Variants in PSMG2 observed in about 807,000 individuals in gnomAD.
The protein encoded by PSMG2 is CD40 ligand-activated specific transcript 3.
A neutral mutation model predicts 31.5 loss-of-function variants in PSMG2; 21 were observed. That is an observed-to-expected ratio of 0.67 (90% CI 0.47 to 0.96). The LOEUF (loss-of-function observed/expected upper bound fraction) is 0.96, where lower values mean the gene tolerates loss of function less well. Among genes scored for constraint, PSMG2 ranks in the 40% least tolerant of loss-of-function variants. The probability of loss-of-function intolerance (pLI) is 0.00; values close to 1 mark genes in which losing one functional copy is unlikely to be tolerated. For missense variants in PSMG2, 318 were observed against 321.2 expected, an observed-to-expected ratio of 0.99 and a Z score of 0.08; for synonymous variants, 120 against 110.4, an observed-to-expected ratio of 1.09 and a Z score of -0.54.
intron 1 of PSMG2, among the ~76,000 whole-genome samples, chr18:12,689,078 C>A (rs1435020157): frequency 6.6e-6 from 1 of 152,174 alleles, no homozygotes; most frequent in Non-Finnish European, 1.5e-5. Flanking sequence ...CGCACCACTG[C>A]ACTCAACCCT....
At chr18:12,725,260 TAAAG>T (rs766190672) in intron 6 of PSMG2, among the ~76,000 whole-genome samples, 175 bp from the exon 7 acceptor site, 4 of 152,220 alleles carry the variant, frequency 2.6e-5, no homozygotes, top group Non-Finnish European at 5.9e-5. Context: ...ATTTGGAACT[TAAAG>T]AAATTTATCT....
chr18:12,667,033 C>A (rs2038818038), intron 1 of PSMG2, among the ~76,000 whole-genome samples: 1 of 151,294 alleles, frequency 6.6e-6, no homozygotes, highest in Admixed American at 6.6e-5. Context: ...ACAACAACAA[C>A]CAAACAAAAA....
chr18:12,704,279 A>G (rs982529925), intron 1 of PSMG2, among the ~76,000 whole-genome samples: 5 of 152,110 alleles, frequency 3.3e-5, no homozygotes, highest in Non-Finnish European at 1.5e-5. Context: ...TGGGTTGTAT[A>G]ATATATATTC....
chr18:12,661,497 C>A, intron 1 of PSMG2: 1 of 293,812 alleles, frequency 3.4e-6, no homozygotes, highest in Non-Finnish European at 5.1e-6. Flanking sequence ...TGAGGCCAGG[C>A]GCAGTGGCTC....
chr18:12,705,304 TC>T (rs1161982755), intron 1 of PSMG2, among the ~76,000 whole-genome samples: 1 of 152,098 alleles, frequency 6.6e-6, no homozygotes, highest in Non-Finnish European at 1.5e-5. Flanking sequence ...CCTCAGGTGA[TC>T]CACCTGCCTC....
upstream of PSMG2, chr18:12,702,999 G>A: frequency 7.7e-7 from 1 of 1,292,810 alleles, no homozygotes; most frequent in Non-Finnish European, 1.1e-6. Context: ...GGGACTCAAA[G>A]GACCCTCCCG....
At chr18:12,699,840 T>G, upstream of PSMG2, 1 of 1,564,360 alleles carries the variant, frequency 6.4e-7, no homozygotes, top group Non-Finnish European at 8.7e-7. Flanking sequence ...TTTTTTTTAA[T>G]GTCGATTGTC....
rs996349014 is a variant in PSMG2, at chr18:12,703,091, G to A, written c.-17G>A. On this transcript the variant is annotated 5_prime_UTR_variant, in exon 1 of 7. Coordinates refer to ENST00000317615, the MANE Select transcript of PSMG2 (RefSeq NM_020232.5). ...CCAGGGCCGCGGTTAGTCCCTGCTG[G>A]CCACCCCACTGCGACCATGTTCGTT... The A allele has an allele frequency of 1.2e-6, 2 of 1,611,298 alleles. No individual in the cohort carries two copies. Among genetic ancestry groups the A allele is most frequent in the Non-Finnish European group, 1.7e-6 (2 of 1,179,184 alleles).
At chr18:12,694,138 A>T (rs534012559) in intron 1 of PSMG2, among the ~76,000 whole-genome samples, 65 of 152,298 alleles carry the variant, frequency 4.3e-4, no homozygotes, top group African/African-American at 1.5e-3. Context: ...GTTGGTTCTC[A>T]CTATGTGGTT....
At chr18:12,708,700 C>CTTTTTTTTTTTTTTT in intron 2 of PSMG2, among the ~76,000 whole-genome samples, 1 of 88,728 alleles carries the variant, frequency 1.1e-5, no homozygotes, top group Non-Finnish European at 2.2e-5. Flanking sequence ...TTACAACGTT[C>CTTTTTTTTTTTTTTT]TTTTTTTTTT....
chr18:12,706,979 G>A (rs142743387), intron 2 of PSMG2, among the ~76,000 whole-genome samples: 3 of 151,898 alleles, frequency 2.0e-5, no homozygotes, highest in African/African-American at 7.2e-5. Flanking sequence ...TTTTTGAGAC[G>A]GAGTCTCGCT....
chr18:12,667,653 C>T (rs1365588983), intron 1 of PSMG2, among the ~76,000 whole-genome samples: 3 of 150,246 alleles, frequency 2.0e-5, no homozygotes, highest in South Asian at 2.1e-4. Context: ...CCCAGCTACT[C>T]GGGAGGCTGA....
intron 1 of PSMG2, among the ~76,000 whole-genome samples, chr18:12,671,618 T>G (rs1330626864): frequency 6.7e-6 from 1 of 150,260 alleles, no homozygotes; most frequent in Non-Finnish European, 1.5e-5. Flanking sequence ...TTAAAATAAG[T>G]TGAGGAATCA....
chr18:12,722,742 C>G (rs973672035), intron 5 of PSMG2, among the ~76,000 whole-genome samples: 2 of 152,260 alleles, frequency 1.3e-5, no homozygotes, highest in South Asian at 2.1e-4. Flanking sequence ...AATAGTCATC[C>G]TCTGCCTTTC....
intron 4 of PSMG2, among the ~76,000 whole-genome samples, chr18:12,719,263 C>G (rs1449418693): frequency 6.6e-6 from 1 of 152,170 alleles, no homozygotes; most frequent in African/African-American, 2.4e-5. Flanking sequence ...GGGTAGCTCC[C>G]TGGCATGTCA....
chr18:12,683,199 A>AAAAAAAAAAAAAG (rs2039413148), intron 1 of PSMG2, among the ~76,000 whole-genome samples: 2 of 148,170 alleles, frequency 1.3e-5, no homozygotes, highest in Non-Finnish European at 3.0e-5. Context: ...AAAAAAAAAA[A>AAAAAAAAAAAAAG]AAAAAGCCAG....
intron 5 of PSMG2, among the ~76,000 whole-genome samples, chr18:12,723,802 C>A (rs1367852843): frequency 6.6e-6 from 1 of 152,196 alleles, no homozygotes; most frequent in East Asian, 1.9e-4. Context: ...TCCTTTCAGC[C>A]TCACAACAAC....
At chr18:12,716,518 C>G (rs75423845) in intron 3 of PSMG2, among the ~76,000 whole-genome samples, 3 of 151,786 alleles carry the variant, frequency 2.0e-5, no homozygotes, top group South Asian at 2.1e-4. Context: ...CTCAGCCTCC[C>G]GAGTAGCTGG....
At chr18:12,702,659 C>A, upstream of PSMG2, 1 of 1,275,416 alleles carries the variant, frequency 7.8e-7, no homozygotes, top group Non-Finnish European at 1.1e-6. Flanking sequence ...AGCGCCGCAG[C>A]CGTTCGCCTA....
Sources: gnomAD v4.1 joint callset for allele counts (sites outside exome capture counted in the v4.1 genomes callset) on GRCh38, gnomAD v4.1.1 for gene constraint, MANE v1.5 for transcripts, NCBI Gene and HGNC (gene_info 2026-07-23, HGNC 2026-07-21) for gene names.